The following HRH1 variants were observed in gnomAD, a reference collection of about 807,000 sequenced individuals.
The protein encoded by HRH1 is histamine receptor H1.
In HRH1, 6 loss-of-function variants were observed where a neutral mutation model predicts 10.3. That is an observed-to-expected ratio of 0.58 (90% CI 0.32 to 1.15). The LOEUF is 1.15. HRH1 is among the 50% of genes most tolerant of loss of function. The probability of loss-of-function intolerance (pLI) is 0.05; values close to 1 mark genes in which losing one functional copy is unlikely to be tolerated. For missense variants in HRH1, 514 were observed against 615.3 expected (o/e 0.84, Z 1.74); for synonymous variants, 242 against 236.7 (o/e 1.02, Z -0.21).
Position 11,172,104 on chromosome 3 carries a change from A to G in HRH1, c.-36+17550A>G, listed in dbSNP as rs115168769. ...GGAAAATGATGACACAGTCTCCCCA[A>G]TCTCCAAAGACCTTGAAAACCAGGC... On this transcript the variant is annotated intron_variant, in intron 1 of 1. Transcript: ENST00000431010. Among the ~76,000 whole-genome samples the G allele has an allele frequency of 3.5e-3, 535 of 152,352 alleles. 2 individuals are homozygous for G. The highest frequency in any genetic ancestry group is 0.012 in the African/African-American group (503 of 41,574).
chr3:11,239,139 G>T (rs1450849200), intron 1 of HRH1, among the ~76,000 whole-genome samples: 1 of 152,176 alleles, frequency 6.6e-6, no homozygotes, highest in East Asian at 1.9e-4. Context: ...CAGTGTTTCA[G>T]AGTTCTTCTT....
chr3:11,198,880 A>G, intron 1 of HRH1, among the ~76,000 whole-genome samples: 1 of 150,920 alleles, frequency 6.6e-6, no homozygotes, highest in South Asian at 2.1e-4. Context: ...CACCCTGTGT[A>G]TTGTAAACTC....
intron 1 of HRH1, among the ~76,000 whole-genome samples, chr3:11,179,737 TCA>T (rs1208179486): frequency 6.6e-6 from 1 of 150,980 alleles, no homozygotes; most frequent in East Asian, 1.9e-4. Flanking sequence ...TCCCTAGGCC[TCA>T]GTTTGTTGCT....
At chr3:11,182,780 C>G (rs567788726) in intron 1 of HRH1, among the ~76,000 whole-genome samples, 13 of 152,250 alleles carry the variant, frequency 8.5e-5, no homozygotes, top group African/African-American at 3.1e-4. Flanking sequence ...TCCTATTTCA[C>G]AGAGGTATAG....
intron 1 of HRH1, among the ~76,000 whole-genome samples, chr3:11,140,900 G>A (rs554696182): frequency 4.6e-5 from 7 of 152,264 alleles, no homozygotes; most frequent in Non-Finnish European, 7.3e-5. Flanking sequence ...GTACAGGCCC[G>A]TGTGTGTTTC....
intron 1 of HRH1, among the ~76,000 whole-genome samples, chr3:11,235,773 G>A (rs1254380781): frequency 1.3e-5 from 2 of 152,240 alleles, no homozygotes; most frequent in African/African-American, 4.8e-5. Context: ...GACAGGAGCG[G>A]GGCACAGTGT....
At chr3:11,197,124 C>CAAAAAA (rs11330219) in intron 1 of HRH1, among the ~76,000 whole-genome samples, 1 of 106,036 alleles carries the variant, frequency 9.4e-6, no homozygotes, top group Non-Finnish European at 2.0e-5. Flanking sequence ...GACTCCATCT[C>CAAAAAA]AAAAAAAAAA....
chr3:11,156,169 G>C (rs1936786583), intron 1 of HRH1, among the ~76,000 whole-genome samples: 1 of 152,198 alleles, frequency 6.6e-6, no homozygotes, highest in Non-Finnish European at 1.5e-5. Flanking sequence ...GTGTGATTCA[G>C]GCATTTCTCC....
At chr3:11,206,652 C>T (rs1223902225) in intron 1 of HRH1, among the ~76,000 whole-genome samples, 1 of 152,222 alleles carries the variant, frequency 6.6e-6, no homozygotes, top group Non-Finnish European at 1.5e-5. Flanking sequence ...GGGACCAAGG[C>T]GCAGAAAGGA....
intron 1 of HRH1, among the ~76,000 whole-genome samples, chr3:11,241,283 C>T (rs1040451434): frequency 4.7e-5 from 3 of 63,688 alleles, no homozygotes; most frequent in East Asian, 3.9e-4. Flanking sequence ...AAACAAACCA[C>T]GTACGTCTTC....
chr3:11,207,059 A>G (rs775021226), intron 1 of HRH1, among the ~76,000 whole-genome samples: 2 of 152,088 alleles, frequency 1.3e-5, no homozygotes, highest in Non-Finnish European at 2.9e-5. Flanking sequence ...TTGCAGTGGA[A>G]TGGGCTTCAG....
At chr3:11,218,662 A>AC (rs1938595979) in intron 1 of HRH1, among the ~76,000 whole-genome samples, 1 of 151,614 alleles carries the variant, frequency 6.6e-6, no homozygotes, top group Non-Finnish European at 1.5e-5. Flanking sequence ...TGCAGCCTCC[A>AC]CCTCCCAAGT....
chr3:11,247,860 T>C (rs1939531453), intron 1 of HRH1, among the ~76,000 whole-genome samples: 1 of 152,150 alleles, frequency 6.6e-6, no homozygotes, highest in East Asian at 1.9e-4. Context: ...TTTCTATAAG[T>C]CTTTGCACTA....
At chr3:11,234,468 AG>A in intron 1 of HRH1, 1 of 1,569,668 alleles carries the variant, frequency 6.4e-7, no homozygotes, top group East Asian at 2.2e-5. Context: ...AAGCAGGAAA[AG>A]GCTGACTTGA....
chr3:11,207,698 A>C (rs540488281), intron 1 of HRH1, among the ~76,000 whole-genome samples: 30 of 152,340 alleles, frequency 2.0e-4, no homozygotes, highest in African/African-American at 7.0e-4. Flanking sequence ...GGGGTCATTC[A>C]AAAAGCTTCC....
chr3:11,156,633 G>C (rs1329232531), intron 1 of HRH1, among the ~76,000 whole-genome samples: 2 of 152,158 alleles, frequency 1.3e-5, no homozygotes, highest in Admixed American at 6.5e-5. Context: ...ACACGTCTCC[G>C]TTCCTTGGTT....
chr3:11,200,938 C>T (rs866943139), intron 1 of HRH1, among the ~76,000 whole-genome samples: 24 of 152,184 alleles, frequency 1.6e-4, no homozygotes, highest in Admixed American at 3.3e-4. Context: ...AAAGATTAGA[C>T]ATATCCCCTT....
intron 1 of HRH1, among the ~76,000 whole-genome samples, chr3:11,222,793 C>A (rs1303939159): frequency 6.6e-6 from 1 of 152,128 alleles, no homozygotes; most frequent in East Asian, 1.9e-4. Flanking sequence ...CCTCCCACTC[C>A]TAATCAAGGC....
At chr3:11,234,659 C>T in intron 1 of HRH1, 1 of 1,311,150 alleles carries the variant, frequency 7.6e-7, no homozygotes, top group South Asian at 1.2e-5. Flanking sequence ...CGATCCTTCC[C>T]TTCCTGCCGG....
Sources: gnomAD v4.1 joint callset for allele counts (sites outside exome capture counted in the v4.1 genomes callset) on GRCh38, gnomAD v4.1.1 for gene constraint, MANE v1.5 for transcripts, NCBI Gene and HGNC (gene_info 2026-07-23, HGNC 2026-07-21) for gene names.